The following SLC4A7 variants were observed in gnomAD, a reference collection of about 807,000 sequenced individuals.
SLC4A7 encodes the protein sodium bicarbonate cotransporter 3.
A neutral mutation model predicts 137.6 loss-of-function variants in SLC4A7; 51 were observed. The ratio of observed to expected loss-of-function variants is 0.37; its 90% CI spans 0.30 to 0.47. The LOEUF is 0.47. Among genes scored for constraint, SLC4A7 ranks in the 20% least tolerant of loss-of-function variants. SLC4A7 has a pLI of 1.00. For missense variants in SLC4A7, 1,247 were observed against 1,525.4 expected, an observed-to-expected ratio of 0.82 and a Z score of 3.04; for synonymous variants, 542 against 518.6, an observed-to-expected ratio of 1.05 and a Z score of -0.61.
At chr3:27,448,954 C>A (rs1049251884) in intron 2 of SLC4A7, among the ~76,000 whole-genome samples, 157 bp from the exon 3 acceptor site, 1 of 152,172 alleles carries the variant, frequency 6.6e-6, no homozygotes, top group Non-Finnish European at 1.5e-5. Context: ...AAGCACTACA[C>A]AGAATATTGT....
intron 6 of SLC4A7, among the ~76,000 whole-genome samples, chr3:27,433,407 ACT>A (rs1273603203): frequency 6.6e-6 from 1 of 152,192 alleles, no homozygotes; most frequent in Non-Finnish European, 1.5e-5. Context: ...CTGCAAAAAC[ACT>A]GTCTTCCCAC....
At chr3:27,463,911 G>A (rs2058835577) in intron 1 of SLC4A7, among the ~76,000 whole-genome samples, 1 of 152,182 alleles carries the variant, frequency 6.6e-6, no homozygotes, top group African/African-American at 2.4e-5. Flanking sequence ...CGTATGACAA[G>A]AACCCGGTTT....
chr3:27,464,511 C>T (rs2058867557), intron 1 of SLC4A7, among the ~76,000 whole-genome samples: 1 of 152,010 alleles, frequency 6.6e-6, no homozygotes. Context: ...GCCTGGAAAA[C>T]ACAGCAAACC....
chr3:27,456,676 C>A (rs1335269777), intron 1 of SLC4A7: 1 of 1,610,040 alleles, frequency 6.2e-7, no homozygotes, highest in South Asian at 1.1e-5. Context: ...CAGACGAAAT[C>A]TTTCCATAGT....
rs2049826565 is a variant in SLC4A7 at position 27,375,283 on chromosome 3, AT to A, written c.*1480del. The A allele has an allele frequency of 6.6e-6, 1 of 152,012 alleles. No individual in the cohort carries two copies. Among genetic ancestry groups the A allele is most frequent in the African/African-American group, 2.4e-5 (1 of 41,446 alleles). The allele number at this position is 152,012 out of a possible 1,614,324, so 9.4% of individuals were successfully genotyped here. On this transcript the variant is annotated 3_prime_UTR_variant, in exon 26 of 26. Transcript: ENST00000454389. ...GGAATTTCATAAAATTTTCATCCTA[AT>A]AGTGATGTCACCATTTTTGATATTT... is the stretch of plus-strand genomic sequence containing the variant.
chr3:27,445,519 C>T (rs933719992), intron 3 of SLC4A7, among the ~76,000 whole-genome samples: 32 of 152,058 alleles, frequency 2.1e-4, no homozygotes, highest in African/African-American at 7.2e-4. Context: ...TATATTTTAT[C>T]TGGTTTTCCA....
At chr3:27,413,292 T>C (rs561437083) in intron 11 of SLC4A7, among the ~76,000 whole-genome samples, 1 of 152,240 alleles carries the variant, frequency 6.6e-6, no homozygotes, top group South Asian at 2.1e-4. Flanking sequence ...ATTGTTGAAG[T>C]CTACATGACA....
intron 1 of SLC4A7, among the ~76,000 whole-genome samples, chr3:27,470,518 T>C (rs1366522451): frequency 1.3e-5 from 2 of 151,632 alleles, no homozygotes; most frequent in African/African-American, 4.8e-5. Context: ...TATATTAATA[T>C]ATAGGTATGT....
chr3:27,416,782 A>G (rs2054429228), intron 11 of SLC4A7, among the ~76,000 whole-genome samples: 1 of 152,222 alleles, frequency 6.6e-6, no homozygotes, highest in African/African-American at 2.4e-5. Flanking sequence ...CATGTAAATT[A>G]TAAGGAAAAC....
rs542780305 is a variant in SLC4A7 at position 27,379,329 on chromosome 3, T to A, written c.3618A>T (p.Ser1206=). The A allele has an allele frequency of 6.6e-4, 1,008 of 1,534,566 alleles. 19 individuals carry two copies. The South Asian group carries it at 9.9e-3, about 15-fold the overall frequency. ...YSVDPSIVNI[S]DEMAKTAQWK... ...ACTGTGCAGTTTTGGCCATTTCATC[T>A]GATATGTTAACAATTGAGGGATCAA... Residue 1206 remains serine, a synonymous_variant, in exon 25 of 26, where the codon TCA becomes TCT. Transcript: ENST00000454389.
At chr3:27,393,406 T>C (rs530020496) in intron 20 of SLC4A7, among the ~76,000 whole-genome samples, 2 of 152,110 alleles carry the variant, frequency 1.3e-5, no homozygotes, top group East Asian at 3.9e-4. Flanking sequence ...TTGAGGTAAA[T>C]AGAGACATTT....
chr3:27,394,612 T>C lies in SLC4A7; in HGVS notation c.3023A>G (p.Gln1008Arg). 6.2e-7 allele frequency: 1 copy of C among 1,614,190 alleles called. No individual in the cohort carries two copies. The highest frequency in any genetic ancestry group is 8.5e-7 in the Non-Finnish European group (1 of 1,180,022). The change falls in exon 20 of 26, where the codon CAA becomes CGA. Residue 1008 changes from glutamine to arginine, a missense_variant. Around this residue, in one of 6 missense-constraint regions of SLC4A7, gnomAD observed 290 missense variants for 323.8 expected, o/e 0.90. Transcript: ENST00000454389. ...VESECSAPGE[Q>R]PKFLGIREQR... ...TTCACGAATTCCCAAAAACTTGGGTTGTTCCCCTGGAGCAGAACATTCAGA... is the reference window on the plus strand; with the variant it reads ...TTCACGAATTCCCAAAAACTTGGGTCGTTCCCCTGGAGCAGAACATTCAGA...
At chr3:27,460,158 C>T (rs2150613946) in intron 1 of SLC4A7, among the ~76,000 whole-genome samples, 1 of 152,058 alleles carries the variant, frequency 6.6e-6, no homozygotes, top group South Asian at 2.1e-4. Flanking sequence ...CTCAGCCTCC[C>T]TGGCAGCTGG....
chr3:27,461,208 GCACACACACACACACA>G (rs57056562), intron 1 of SLC4A7, among the ~76,000 whole-genome samples: 65 of 149,998 alleles, frequency 4.3e-4, no homozygotes, highest in African/African-American at 1.6e-3. Flanking sequence ...CATCCAATTA[GCACACACACACACACA>G]CACACACACA....
intron 3 of SLC4A7, among the ~76,000 whole-genome samples, chr3:27,446,198 T>A (rs1272107348): frequency 6.6e-6 from 1 of 151,326 alleles, no homozygotes; most frequent in Non-Finnish European, 1.5e-5. Context: ...TATACCTCAA[T>A]AAAGCTAAAG....
rs2049748365 is a variant in SLC4A7 at position 27,374,189 on chromosome 3, T to C, written c.*2575A>G. On this transcript the variant is annotated 3_prime_UTR_variant, in exon 26 of 26. Transcript: ENST00000454389. ...AACAGATATCTATAAATAAATAAACTAGGGTGGAGAAAAGAATATCCTGAG... is the reference window on the plus strand; with the variant it reads ...AACAGATATCTATAAATAAATAAACCAGGGTGGAGAAAAGAATATCCTGAG... 2.0e-5 allele frequency: 3 copies of C among 152,410 alleles called. No individual in the cohort carries two copies. The South Asian group carries it at 6.2e-4, about 32-fold the overall frequency. 9.4% of individuals were successfully genotyped at this position (152,410 alleles called of 1,614,324 possible).
chr3:27,438,418 T>C (rs2056914625), intron 3 of SLC4A7, among the ~76,000 whole-genome samples: 1 of 151,884 alleles, frequency 6.6e-6, no homozygotes, highest in African/African-American at 2.4e-5. Flanking sequence ...GGCAGGAGAA[T>C]CGCTTGAACC....
At chr3:27,384,690 C>T in intron 23 of SLC4A7, among the ~76,000 whole-genome samples, 1 of 152,118 alleles carries the variant, frequency 6.6e-6, no homozygotes, top group Non-Finnish European at 1.5e-5. Flanking sequence ...AGGCCAGGCA[C>T]AGTGGCTCAC....
At chr3:27,389,889 A>G in intron 22 of SLC4A7, 42 bp downstream of exon 22, 1 of 1,415,062 alleles carries the variant, frequency 7.1e-7, no homozygotes. Context: ...TACTGTAAAC[A>G]TATTATTAAT....
Sources: allele counts gnomAD v4.1 joint callset (sites outside exome capture counted in the v4.1 genomes callset), GRCh38; gene constraint gnomAD v4.1.1; regional missense constraint gnomAD v4.1.1; transcripts MANE v1.5; gene names NCBI Gene and HGNC (gene_info 2026-07-23, HGNC 2026-07-21).